PBLD: variants seen among roughly 807,000 people sequenced by gnomAD.
PBLD encodes phenazine biosynthesis-like domain-containing protein.
PBLD carries 26 observed loss-of-function variants against 31.3 expected under a neutral mutation model. That is an observed-to-expected ratio of 0.83 (90% confidence interval 0.61 to 1.15). The LOEUF is 1.15. Ranked by LOEUF, PBLD falls within the 50% of genes most tolerant of loss-of-function variation. PBLD has a pLI of 0.00. For synonymous variants in PBLD, 114 were observed against 129.0 expected, an observed-to-expected ratio of 0.88 and a Z score of 0.79; for missense variants, 307 against 351.7, an observed-to-expected ratio of 0.87 and a Z score of 1.02.
At chr10:68,296,528 T>G (rs551174505) in intron 3 of PBLD, among the ~76,000 whole-genome samples, 164 bp from the exon 4 acceptor site, 1 of 152,324 alleles carries the variant, frequency 6.6e-6, no homozygotes, top group Non-Finnish European at 1.5e-5. Context: ...GGCTCCCCAG[T>G]GCTAGATCTG....
intron 1 of PBLD, among the ~76,000 whole-genome samples, chr10:68,317,629 C>A (rs779145905): frequency 2.0e-5 from 3 of 151,850 alleles, no homozygotes; most frequent in Non-Finnish European, 2.9e-5. Context: ...AACCCTGTCT[C>A]TACCAAAAAA....
At chr10:68,310,957 C>T (rs907815371) in intron 1 of PBLD, among the ~76,000 whole-genome samples, 1 of 152,198 alleles carries the variant, frequency 6.6e-6, no homozygotes, top group African/African-American at 2.4e-5. Flanking sequence ...CTTACACATG[C>T]TCAGAACACT....
At chr10:68,285,005 T>G (rs2044269010) in intron 9 of PBLD, 1 of 1,138,354 alleles carries the variant, frequency 8.8e-7, no homozygotes, top group Non-Finnish European at 1.1e-6. Context: ...TTCAATCCTG[T>G]GACTAGCAAT....
At chr10:68,312,203 G>A (rs193249206) in intron 1 of PBLD, among the ~76,000 whole-genome samples, 3 of 152,338 alleles carry the variant, frequency 2.0e-5, no homozygotes, top group Admixed American at 6.5e-5. Flanking sequence ...ACACCCAGTA[G>A]TGGAATTGCT....
At chr10:68,292,986 C>T (rs61854840) in intron 4 of PBLD, among the ~76,000 whole-genome samples, 19,039 of 152,148 alleles carry the variant, frequency 0.13, 1,631 homozygotes, top group South Asian at 0.25. Flanking sequence ...TCAGCCTCCC[C>T]AGTAGCTGGG....
At position 68,292,032 on chromosome 10, in the gene PBLD, T is replaced by C. The variant is rs950529537; in HGVS notation, c.401A>G (p.His134Arg). 3.1e-6 allele frequency: 5 copies of C among 1,591,132 alleles called. No homozygotes were observed. In the African/African-American group the frequency reaches 5.4e-5, roughly 17 times the overall value. The change falls in exon 6 of 10, where the codon CAT (histidine) becomes CGT (arginine). Residue 134 changes from histidine to arginine, a missense_variant. Physicochemically the swap from His to Arg is conservative, Grantham distance 29 (BLOSUM62 0). Transcript: ENST00000358769. ...AACCTTTATCAAGTCCTCTACTTCA[T>C]GGAAGTCCTAGATGGGGGGAAAAAA... ...PLYPAHPQDF[H>R]EVEDLIKTAI...
intron 8 of PBLD, chr10:68,287,626 G>A (rs1454635044): frequency 6.6e-6 from 1 of 152,436 alleles, no homozygotes; most frequent in Non-Finnish European, 1.5e-5. Context: ...GTCCTTTGCA[G>A]TGCAGCCCAC....
At chr10:68,319,791 A>G (rs1475737271) in intron 1 of PBLD, among the ~76,000 whole-genome samples, 3 of 151,424 alleles carry the variant, frequency 2.0e-5, no homozygotes, top group African/African-American at 4.8e-5. Flanking sequence ...AAACTTTTTA[A>G]TTTTTATTTT....
intron 1 of PBLD, among the ~76,000 whole-genome samples, chr10:68,317,350 T>C (rs1284871277): frequency 6.6e-6 from 1 of 152,092 alleles, no homozygotes; most frequent in East Asian, 1.9e-4. Flanking sequence ...CACTAGACAG[T>C]AACTCAAATC....
intron 8 of PBLD, chr10:68,288,157 C>T: frequency 3.4e-6 from 1 of 297,564 alleles, no homozygotes; most frequent in Non-Finnish European, 6.2e-6. Context: ...GCTTTTATAG[C>T]CCTATGAGGT....
intron 2 of PBLD, among the ~76,000 whole-genome samples, chr10:68,305,743 G>A (rs965522161): frequency 1.2e-4 from 19 of 152,014 alleles, no homozygotes; most frequent in African/African-American, 7.2e-5. Context: ...CAACAAGAGC[G>A]GAACTCCGTC....
intron 1 of PBLD, among the ~76,000 whole-genome samples, chr10:68,322,032 G>A (rs2044842364): frequency 6.6e-6 from 1 of 152,120 alleles, no homozygotes; most frequent in African/African-American, 2.4e-5. Context: ...ACAGAGCATG[G>A]AAAGACAGTA....
intron 1 of PBLD, among the ~76,000 whole-genome samples, chr10:68,318,727 G>GTATGA (rs1237162438): frequency 6.6e-6 from 1 of 151,960 alleles, no homozygotes; most frequent in Non-Finnish European, 1.5e-5. Context: ...TAAATGTTAA[G>GTATGA]TATGATTCTC....
chr10:68,321,982 C>T (rs1007220511), intron 1 of PBLD, among the ~76,000 whole-genome samples: 1 of 152,182 alleles, frequency 6.6e-6, no homozygotes, highest in African/African-American at 2.4e-5. Context: ...TTCCCCAGGA[C>T]CCTGAGTATG....
At chr10:68,294,394 T>A (rs2044398375) in intron 4 of PBLD, among the ~76,000 whole-genome samples, 1 of 152,232 alleles carries the variant, frequency 6.6e-6, no homozygotes, top group South Asian at 2.1e-4. Context: ...AGGAGACACC[T>A]GCTCTCAGCT....
intron 1 of PBLD, among the ~76,000 whole-genome samples, chr10:68,330,059 T>C (rs1263126966): frequency 2.0e-5 from 3 of 152,100 alleles, no homozygotes; most frequent in Admixed American, 6.5e-5. Context: ...TTTACAACCC[T>C]GAAAAATAAA....
chr10:68,296,113 C>T lies in PBLD; in HGVS notation c.283+153G>A, dbSNP rs1232455916. The T allele has an allele frequency of 4.9e-5, 26 of 526,614 alleles. 1 individual carries two copies. In the East Asian group the frequency reaches 7.7e-4, roughly 16 times the overall value. 32.6% of individuals were successfully genotyped at this position (526,614 alleles called of 1,614,324 possible). Reference sequence around the variant, plus strand: ...AAGGCCAAAGTGCTATTGAAGGTCGCTGGTTTTGTTTCTGCATTATGAATA... The same window carrying T: ...AAGGCCAAAGTGCTATTGAAGGTCGTTGGTTTTGTTTCTGCATTATGAATA... On this transcript the variant is annotated intron_variant, in intron 4 of 9. Transcript: ENST00000358769.
At chr10:68,298,389 G>A (rs1197294789) in intron 2 of PBLD, among the ~76,000 whole-genome samples, 3 of 152,160 alleles carry the variant, frequency 2.0e-5, no homozygotes, top group Non-Finnish European at 2.9e-5. Context: ...CACTTTGGGA[G>A]GCCAAGGAGA....
At chr10:68,328,197 C>T (rs2044953742) in intron 1 of PBLD, among the ~76,000 whole-genome samples, 1 of 152,186 alleles carries the variant, frequency 6.6e-6, no homozygotes, top group Non-Finnish European at 1.5e-5. Context: ...AAGGCATTAA[C>T]TACCTTAATT....
Sources: gnomAD v4.1 joint callset for allele counts (sites outside exome capture counted in the v4.1 genomes callset) on GRCh38, gnomAD v4.1.1 for gene constraint, MANE v1.5 for transcripts, NCBI Gene and HGNC (gene_info 2026-07-23, HGNC 2026-07-21) for gene names.